Variants in SGCZ observed in about 807,000 individuals in gnomAD.
SGCZ encodes sarcoglycan zeta, also known as zeta-sarcoglycan.
Under a neutral mutation model 41.3 loss-of-function variants are expected in SGCZ, and 40 were observed. That is an observed-to-expected ratio of 0.97 (90% confidence interval 0.75 to 1.26). The LOEUF is 1.26. SGCZ is among the 50% of genes most tolerant of loss of function. The pLI, the probability that SGCZ is intolerant of heterozygous loss-of-function variation, is 0.00. For missense variants in SGCZ, 552 were observed against 369.8 expected, an observed-to-expected ratio of 1.49 and a Z score of -4.04; for synonymous variants, 206 against 137.5, an observed-to-expected ratio of 1.50 and a Z score of -3.49.
intron 4 of SGCZ, among the ~76,000 whole-genome samples, chr8:14,211,098 G>T (rs78549155): frequency 1.2e-3 from 181 of 152,228 alleles, no homozygotes; most frequent in Admixed American, 2.4e-3. Flanking sequence ...CCATGATTTT[G>T]CCTGCCTCCC....
intron 4 of SGCZ, among the ~76,000 whole-genome samples, chr8:14,177,952 T>TTTTTTCTTTTC (rs1445723413): frequency 1.4e-5 from 1 of 70,264 alleles, no homozygotes; most frequent in Admixed American, 1.4e-4. Flanking sequence ...TCTTTTCTTT[T>TTTTTTCTTTTC]TTTTTCTTTT....
At chr8:15,183,827 C>T (rs886790114) in intron 1 of SGCZ, among the ~76,000 whole-genome samples, 1 of 152,128 alleles carries the variant, frequency 6.6e-6, no homozygotes, top group Admixed American at 6.5e-5. Flanking sequence ...ATGATCTGTT[C>T]TCACAAAATC....
intron 1 of SGCZ, among the ~76,000 whole-genome samples, chr8:15,166,676 A>G (rs1468672341): frequency 2.0e-5 from 3 of 152,242 alleles, no homozygotes; most frequent in Non-Finnish European, 2.9e-5. Flanking sequence ...TTATGTTAAG[A>G]TATTGTAAAC....
intron 1 of SGCZ, among the ~76,000 whole-genome samples, chr8:15,195,208 G>A (rs1025992735): frequency 3.9e-5 from 6 of 151,972 alleles, no homozygotes; most frequent in African/African-American, 1.2e-4. Flanking sequence ...ATCATTTTCC[G>A]GGTACCCTGC....
At chr8:15,111,182 G>A (rs576860485) in intron 1 of SGCZ, among the ~76,000 whole-genome samples, 22 of 152,118 alleles carry the variant, frequency 1.4e-4, no homozygotes, top group Non-Finnish European at 2.8e-4. Flanking sequence ...GACTCAAAAG[G>A]AAAACACCTG....
At chr8:14,914,528 G>A (rs903026362) in intron 1 of SGCZ, among the ~76,000 whole-genome samples, 2 of 144,888 alleles carry the variant, frequency 1.4e-5, no homozygotes, top group African/African-American at 2.8e-5. Context: ...GTAAGAGACA[G>A]TGAAAAAAAA....
intron 1 of SGCZ, among the ~76,000 whole-genome samples, chr8:14,629,193 C>A (rs1366785168): frequency 6.6e-6 from 1 of 152,108 alleles, no homozygotes; most frequent in Admixed American, 6.6e-5. Context: ...AGATATATGG[C>A]AGCCTTCCAA....
At chr8:14,853,656 C>T (rs1803431100) in intron 1 of SGCZ, 2 of 316,802 alleles carry the variant, frequency 6.3e-6, no homozygotes, top group Admixed American at 6.4e-5. Context: ...TGTCATCAAT[C>T]ATTGGCAGTT....
At chr8:14,762,449 C>T (rs954704977) in intron 1 of SGCZ, among the ~76,000 whole-genome samples, 1 of 152,172 alleles carries the variant, frequency 6.6e-6, no homozygotes, top group Non-Finnish European at 1.5e-5. Context: ...TCCCACTTTA[C>T]AGGTTTGCTG....
chr8:14,875,134 C>T (rs1004243421), intron 1 of SGCZ, among the ~76,000 whole-genome samples: 8 of 152,048 alleles, frequency 5.3e-5, no homozygotes, highest in African/African-American at 1.9e-4. Context: ...CACAAGGTGC[C>T]AGCTAGGTAG....
chr8:14,704,881 C>G (rs1363118484), intron 1 of SGCZ, among the ~76,000 whole-genome samples: 1 of 151,890 alleles, frequency 6.6e-6, no homozygotes, highest in Admixed American at 6.6e-5. Context: ...AAGCCAAACT[C>G]GCTTCATTCA....
intron 1 of SGCZ, among the ~76,000 whole-genome samples, chr8:15,139,588 T>C (rs186002911): frequency 2.6e-5 from 4 of 152,232 alleles, no homozygotes; most frequent in East Asian, 3.9e-4. Context: ...TGAAGCAAAA[T>C]AGCATATCTA....
intron 1 of SGCZ, among the ~76,000 whole-genome samples, chr8:14,923,982 A>G (rs1343303600): frequency 2.0e-5 from 3 of 152,320 alleles, no homozygotes; most frequent in East Asian, 1.9e-4. Flanking sequence ...ACTTCTGGAA[A>G]ATAAGGCTGT....
Position 14,636,822 on chromosome 8 carries a change from GC to G in SGCZ, c.40-81897del, listed in dbSNP as rs372019007. Among the ~76,000 whole-genome samples the G allele has an allele frequency of 4.7e-3, 707 of 151,878 alleles. 3 individuals carry two copies. Among genetic ancestry groups the G allele is most frequent in the African/African-American group, 0.016 (663 of 41,480 alleles). On this transcript the variant is annotated intron_variant, in intron 1 of 7. Coordinates refer to ENST00000382080, the MANE Select transcript of SGCZ (RefSeq NM_139167.4). ...CCAGTTGAGACCATTTAAATAAATA[GC>G]CTTAAAACAAAAACAAAAGCGAAAG...
intron 1 of SGCZ, among the ~76,000 whole-genome samples, chr8:14,729,988 G>C (rs1390757604): frequency 6.6e-6 from 1 of 152,146 alleles, no homozygotes; most frequent in African/African-American, 2.4e-5. Context: ...GGTAGGCTAC[G>C]GCAGGAGAAT....
intron 1 of SGCZ, among the ~76,000 whole-genome samples, chr8:15,112,694 A>G (rs999725404): frequency 6.6e-5 from 10 of 152,202 alleles, no homozygotes; most frequent in Admixed American, 5.2e-4. Context: ...AGAAGAAATA[A>G]GGTTCCCAGC....
intron 1 of SGCZ, among the ~76,000 whole-genome samples, chr8:15,186,710 G>A (rs1167189422): frequency 6.6e-6 from 1 of 152,090 alleles, no homozygotes; most frequent in Non-Finnish European, 1.5e-5. Context: ...ATGAAGGGGT[G>A]TTTTACTTAA....
rs995811168 is a variant in SGCZ, at chr8:15,040,741, G to A, written c.39+196844C>T. Among the ~76,000 whole-genome samples, 3 of 152,144 alleles carry A rather than the reference G, an allele frequency of 2.0e-5. No individual in the cohort carries two copies. In the East Asian group the frequency reaches 5.8e-4, roughly 29 times the overall value. On this transcript the variant is annotated intron_variant, in intron 1 of 7. Transcript: ENST00000382080. ...AATGTTTTCCAATAAAAAGGGCTAC[G>A]TATCTATCCAATACTGGAAAAAGTC...
At chr8:15,090,189 C>T (rs946639973) in intron 1 of SGCZ, among the ~76,000 whole-genome samples, 4 of 152,088 alleles carry the variant, frequency 2.6e-5, no homozygotes, top group African/African-American at 9.7e-5. Flanking sequence ...CCACAAGAAG[C>T]AAATTTAGTC....
Sources: gnomAD v4.1 joint callset for allele counts (sites outside exome capture counted in the v4.1 genomes callset) on GRCh38, gnomAD v4.1.1 for gene constraint, MANE v1.5 for transcripts, NCBI Gene and HGNC (gene_info 2026-07-23, HGNC 2026-07-21) for gene names.